The following ADGRB3 variants were observed in gnomAD, a reference collection of about 807,000 sequenced individuals.
ADGRB3 encodes brain-specific angiogenesis inhibitor 3.
In ADGRB3, 37 loss-of-function variants were observed where a neutral mutation model predicts 193.4. The ratio of observed to expected loss-of-function variants is 0.19; its 90% confidence interval spans 0.15 to 0.25. The LOEUF (loss-of-function observed/expected upper bound fraction) is 0.25. ADGRB3 is among the 10% of genes least tolerant of loss of function. ADGRB3 has a pLI of 1.00. For synonymous variants in ADGRB3, 690 were observed against 644.2 expected (o/e 1.07, Z -1.08); for missense variants, 1,637 against 1,852.9 (o/e 0.88, Z 2.14).
At chr6:69,252,773 T>C (rs1011507740) in intron 20 of ADGRB3, among the ~76,000 whole-genome samples, 1 of 152,104 alleles carries the variant, frequency 6.6e-6, no homozygotes, top group Non-Finnish European at 1.5e-5. Flanking sequence ...CATCTTTTGC[T>C]GAGTAGAAAT....
chr6:68,912,907 A>G (rs941839508), intron 3 of ADGRB3, among the ~76,000 whole-genome samples: 1 of 152,138 alleles, frequency 6.6e-6, no homozygotes, highest in Non-Finnish European at 1.5e-5. Flanking sequence ...CCAGGAGATT[A>G]TATCCTCCAC....
At chr6:69,333,107 T>A in intron 24 of ADGRB3, 99 bp downstream of exon 24, 4 of 855,786 alleles carry the variant, frequency 4.7e-6, no homozygotes, top group South Asian at 1.8e-5. Flanking sequence ...CCTTGAATTT[T>A]GTTATTGATG....
intron 17 of ADGRB3, among the ~76,000 whole-genome samples, chr6:69,182,940 A>G (rs1764963660): frequency 6.6e-6 from 1 of 152,140 alleles, no homozygotes; most frequent in African/African-American, 2.4e-5. Flanking sequence ...ATTAAAACCA[A>G]GCATGTCAAT....
intron 3 of ADGRB3, among the ~76,000 whole-genome samples, chr6:68,840,585 C>CG (rs1768136792): frequency 6.6e-6 from 1 of 151,548 alleles, no homozygotes; most frequent in African/African-American, 2.4e-5. Flanking sequence ...GACTCCTCTG[C>CG]TTTTGGAAAT....
At chr6:68,913,935 G>T (rs1460441683) in intron 3 of ADGRB3, among the ~76,000 whole-genome samples, 1 of 151,560 alleles carries the variant, frequency 6.6e-6, no homozygotes, top group African/African-American at 2.4e-5. Context: ...CTGGAAGAAA[G>T]GGTATCAGTG....
chr6:69,237,304 A>G (rs1009034563), intron 19 of ADGRB3, among the ~76,000 whole-genome samples: 1 of 152,042 alleles, frequency 6.6e-6, no homozygotes, highest in African/African-American at 2.4e-5. Flanking sequence ...GTGTACAAGC[A>G]TCTCAAGTAT....
Position 69,048,282 on chromosome 6 carries a change from A to G in ADGRB3, c.2205A>G (p.Ser735=). The G allele has an allele frequency of 6.2e-7, 1 of 1,613,756 alleles. No homozygotes were observed. The highest frequency in any genetic ancestry group is 8.5e-7 in the Non-Finnish European group (1 of 1,179,760). The part of the protein sequence containing the change: ...RKGMVDWARN[S]EDRVVIPKSI... ...GAATGGTTGACTGGGCAAGAAACTC[A>G]GAAGATAGGGTAGTAATTCCAAAAA... Residue 735 remains serine (S), a synonymous_variant, in exon 14 of 32, where the codon TCA becomes TCG. Transcript: ENST00000370598.
At chr6:69,076,794 A>G (rs1772245810) in intron 17 of ADGRB3, among the ~76,000 whole-genome samples, 2 of 152,014 alleles carry the variant, frequency 1.3e-5, no homozygotes, top group Admixed American at 6.6e-5. Context: ...ATAAATATCA[A>G]TCAATCCCAA....
chr6:68,855,884 T>C (rs532289397), intron 3 of ADGRB3, among the ~76,000 whole-genome samples: 2 of 152,252 alleles, frequency 1.3e-5, no homozygotes, highest in Non-Finnish European at 1.5e-5. Context: ...AATTAGGCAG[T>C]GATATGGTTT....
At chr6:68,749,808 G>C (rs998848348) in intron 3 of ADGRB3, among the ~76,000 whole-genome samples, 29 of 152,072 alleles carry the variant, frequency 1.9e-4, no homozygotes, top group African/African-American at 7.0e-4. Flanking sequence ...GGCATGTTAG[G>C]CAGAATTCTT....
intron 3 of ADGRB3, among the ~76,000 whole-genome samples, chr6:68,695,745 T>C (rs1394570840): frequency 1.3e-5 from 2 of 151,960 alleles, no homozygotes; most frequent in Non-Finnish European, 2.9e-5. Flanking sequence ...CCTCTCCCAA[T>C]CTGACTGCTA....
At chr6:69,332,656 A>G in intron 23 of ADGRB3, 1 of 985,462 alleles carries the variant, frequency 1.0e-6, no homozygotes, top group East Asian at 1.1e-4. Flanking sequence ...ACCATTTAAA[A>G]TTCAGGCAAT....
intron 17 of ADGRB3, among the ~76,000 whole-genome samples, chr6:69,112,096 A>T (rs183913477): frequency 6.6e-6 from 1 of 152,280 alleles, no homozygotes; most frequent in African/African-American, 2.4e-5. Context: ...ATCAAGGAAG[A>T]TTTTTTTCTT....
chr6:68,717,834 G>T (rs1009471585), intron 3 of ADGRB3, among the ~76,000 whole-genome samples: 3 of 151,602 alleles, frequency 2.0e-5, no homozygotes, highest in Admixed American at 2.0e-4. Flanking sequence ...AAATGTGAGG[G>T]CAAGGATGTG....
intron 30 of ADGRB3, among the ~76,000 whole-genome samples, chr6:69,377,978 G>A (rs1362980420): frequency 6.6e-6 from 1 of 152,062 alleles, no homozygotes; most frequent in African/African-American, 2.4e-5. Flanking sequence ...AGAAGAAGAG[G>A]ACATTTATAA....
chr6:68,751,618 G>T (rs1766200569), intron 3 of ADGRB3, among the ~76,000 whole-genome samples: 1 of 151,980 alleles, frequency 6.6e-6, no homozygotes, highest in Admixed American at 6.6e-5. Context: ...GGAGCATTTT[G>T]CCCTCAAATA....
intron 17 of ADGRB3, among the ~76,000 whole-genome samples, chr6:69,081,861 C>T (rs979160932): frequency 4.6e-5 from 7 of 152,030 alleles, no homozygotes; most frequent in African/African-American, 9.6e-5. Context: ...TGTCCATTAG[C>T]GTGAGCTATA....
intron 20 of ADGRB3, among the ~76,000 whole-genome samples, chr6:69,310,569 T>C (rs1260975653): frequency 6.6e-6 from 1 of 151,700 alleles, no homozygotes; most frequent in Non-Finnish European, 1.5e-5. Flanking sequence ...ATAACAGCAA[T>C]GTAAATTCAA....
intron 17 of ADGRB3, among the ~76,000 whole-genome samples, chr6:69,135,459 C>CTG (rs1217353486): frequency 6.6e-6 from 1 of 151,946 alleles, no homozygotes; most frequent in African/African-American, 2.4e-5. Flanking sequence ...ACCATGTTCT[C>CTG]TTAATTCATC....
Sources: allele counts gnomAD v4.1 joint callset (sites outside exome capture counted in the v4.1 genomes callset), GRCh38; gene constraint gnomAD v4.1.1; transcripts MANE v1.5; gene names NCBI Gene and HGNC (gene_info 2026-07-23, HGNC 2026-07-21).